The following ZNRF3 variants were observed in gnomAD, a reference collection of about 807,000 sequenced individuals.
ZNRF3 encodes zinc and ring finger 3, also known as E3 ubiquitin-protein ligase ZNRF3.
In ZNRF3, 23 loss-of-function variants were observed where a neutral mutation model predicts 72.5. That is an observed-to-expected ratio of 0.32 (90% CI 0.23 to 0.45). The LOEUF (loss-of-function observed/expected upper bound fraction) is 0.45, where lower values mean the gene tolerates loss of function less well. Ranked by LOEUF, ZNRF3 falls within the 20% of genes least tolerant of loss-of-function variation. The probability of loss-of-function intolerance (pLI) is 1.00; values close to 1 mark genes in which losing one functional copy is unlikely to be tolerated. For missense variants in ZNRF3, 1,169 were observed against 1,272.1 expected, an observed-to-expected ratio of 0.92 and a Z score of 1.23; for synonymous variants, 610 against 545.3, an observed-to-expected ratio of 1.12 and a Z score of -1.65.
At position 28,883,815 on chromosome 22, in the gene ZNRF3, C is replaced by T; in HGVS notation, c.49C>T (p.Arg17Cys). Residue 17 changes from arginine to cysteine, a missense_variant, in exon 1 of 9, where the codon CGC becomes TGC. By Grantham distance (180) the Arg-to-Cys change is radical. Coordinates refer to ENST00000544604, the MANE Select transcript of ZNRF3 (RefSeq NM_001206998.2). This position sits in a 1 kb window ranked among gnomAD's most constrained non-coding sequence, Gnocchi z 5.5. ...CCCAGGGGCCACGGGCCGCCGCCGC[C>T]GCCGCCTGCGCCGCCGCCCCCGCGG... ...GRPGATGRRR[R>C]RLRRRPRGLR... 1.0e-6 allele frequency: 1 copy of T among 979,322 alleles called. No individual in the cohort carries two copies. Among genetic ancestry groups the T allele is most frequent in the Non-Finnish European group, 1.2e-6 (1 of 827,398 alleles). 60.7% of individuals were successfully genotyped at this position (979,322 alleles called of 1,614,324 possible). A position where few individuals can be genotyped will look rare whatever the true frequency, so the allele number is the denominator to read the frequency against.
At chr22:29,005,361 T>A (rs1236331431) in intron 2 of ZNRF3, among the ~76,000 whole-genome samples, 1 of 152,224 alleles carries the variant, frequency 6.6e-6, no homozygotes, top group Non-Finnish European at 1.5e-5. Flanking sequence ...ACTTGTAGAT[T>A]TTTATGAGAT....
chr22:28,978,204 G>A (rs894120367), intron 1 of ZNRF3, among the ~76,000 whole-genome samples: 11 of 152,366 alleles, frequency 7.2e-5, no homozygotes, highest in Middle Eastern at 6.8e-3. Context: ...AGAAATGCAA[G>A]TGGAATGTTG....
intron 2 of ZNRF3, among the ~76,000 whole-genome samples, chr22:29,029,363 A>G (rs1284976648): frequency 6.6e-6 from 1 of 152,250 alleles, no homozygotes; most frequent in Non-Finnish European, 1.5e-5. Flanking sequence ...AAAATCATGT[A>G]ATCAAAATAA....
intron 1 of ZNRF3, among the ~76,000 whole-genome samples, chr22:28,966,949 G>A (rs563266976): frequency 2.9e-5 from 4 of 140,332 alleles, no homozygotes; most frequent in Non-Finnish European, 4.5e-5. Context: ...GCATAATCTC[G>A]GCTCACTGCA....
chr22:29,049,680 C>T lies in ZNRF3; in HGVS notation c.1499C>T (p.Pro500Leu), dbSNP rs1020453927. ...CCCCGGGGCCCGGCCCGTGCCTTTC[C>T]TCCGAGCGGCAGTGGCAGCCTGCTC... ...LAPRGPARAFPPSGSGSLLFP... is the reference protein window; with the variant it reads ...LAPRGPARAFLPSGSGSLLFP... Residue 500 changes from proline (P) to leucine (L), a missense_variant, in exon 8 of 9, where the codon CCT becomes CTT. This residue lies in a region of ZNRF3 where 783 missense variants were observed against 731.4 expected (regional missense o/e 1.07). Transcript: ENST00000544604. This position sits in a 1 kb window ranked among gnomAD's most constrained non-coding sequence, Gnocchi z 5.2. The T allele has an allele frequency of 1.9e-6, 3 of 1,608,140 alleles. No individual in the cohort carries two copies. The highest frequency in any genetic ancestry group is 1.3e-5 in the African/African-American group (1 of 74,912).
chr22:28,896,067 C>T (rs565642993), intron 1 of ZNRF3, among the ~76,000 whole-genome samples: 161 of 152,204 alleles, frequency 1.1e-3, no homozygotes, highest in Non-Finnish European at 1.9e-3. Flanking sequence ...TCTCCTGCTT[C>T]AGCCTCCCGA....
intron 2 of ZNRF3, among the ~76,000 whole-genome samples, chr22:28,995,193 G>A (rs888962223): frequency 2.6e-5 from 4 of 152,206 alleles, no homozygotes; most frequent in Non-Finnish European, 1.5e-5. Flanking sequence ...CAGCACTTTG[G>A]GAGGCTGAGG....
At chr22:28,987,603 A>G (rs981635484) in intron 2 of ZNRF3, among the ~76,000 whole-genome samples, 9 of 152,212 alleles carry the variant, frequency 5.9e-5, no homozygotes, top group Non-Finnish European at 1.2e-4. Flanking sequence ...TATAGATTTT[A>G]TATTAAGTAA....
At chr22:28,961,425 A>T (rs1449102536) in intron 1 of ZNRF3, among the ~76,000 whole-genome samples, 1 of 152,214 alleles carries the variant, frequency 6.6e-6, no homozygotes, top group African/African-American at 2.4e-5. Context: ...CAAAATATGG[A>T]CAGTATTCAG....
intron 1 of ZNRF3, among the ~76,000 whole-genome samples, chr22:28,942,832 C>G (rs2034971581): frequency 6.6e-6 from 1 of 152,122 alleles, no homozygotes; most frequent in African/African-American, 2.4e-5. Flanking sequence ...GATAAGTCTC[C>G]TCTTCTGTGT....
intron 1 of ZNRF3, among the ~76,000 whole-genome samples, chr22:28,955,622 T>C (rs2035244753): frequency 6.6e-6 from 1 of 151,816 alleles, no homozygotes; most frequent in Admixed American, 6.6e-5. Context: ...TTACTTAAGG[T>C]TTGGATTATG....
At chr22:28,909,247 A>G (rs1347114359) in intron 1 of ZNRF3, among the ~76,000 whole-genome samples, 2 of 151,984 alleles carry the variant, frequency 1.3e-5, no homozygotes, top group African/African-American at 4.8e-5. Context: ...TTTGATTTTG[A>G]GCCACTTTTT....
intron 1 of ZNRF3, among the ~76,000 whole-genome samples, chr22:28,907,328 C>G (rs1423305590): frequency 6.6e-6 from 1 of 152,108 alleles, no homozygotes; most frequent in Non-Finnish European, 1.5e-5. Context: ...GCCAAGGTGC[C>G]AAATGGCACA....
At chr22:28,955,046 G>GTT (rs11413865) in intron 1 of ZNRF3, among the ~76,000 whole-genome samples, 11 of 98,232 alleles carry the variant, frequency 1.1e-4, no homozygotes, top group East Asian at 2.7e-4. Context: ...TTTTTTTTTT[G>GTT]TTTTTTTTTT....
At chr22:28,929,445 T>G (rs1364930810) in intron 1 of ZNRF3, among the ~76,000 whole-genome samples, 1 of 152,190 alleles carries the variant, frequency 6.6e-6, no homozygotes, top group African/African-American at 2.4e-5. Flanking sequence ...TTCCCAGTTA[T>G]GACAACTAGA....
At chr22:28,934,226 CA>C (rs1399106296) in intron 1 of ZNRF3, among the ~76,000 whole-genome samples, 6 of 152,096 alleles carry the variant, frequency 3.9e-5, no homozygotes, top group Admixed American at 2.0e-4. Flanking sequence ...TAGAGGGCCC[CA>C]TAAAATTTTA....
At chr22:28,887,821 A>T (rs963312452) in intron 1 of ZNRF3, among the ~76,000 whole-genome samples, 2 of 152,182 alleles carry the variant, frequency 1.3e-5, no homozygotes, top group African/African-American at 4.8e-5. Context: ...ATTATCTGAA[A>T]CTTTCAGACT....
chr22:28,893,201 G>A (rs1471766808), intron 1 of ZNRF3, among the ~76,000 whole-genome samples: 1 of 152,040 alleles, frequency 6.6e-6, no homozygotes, highest in Non-Finnish European at 1.5e-5. Flanking sequence ...AAAATTAAGA[G>A]TGGGGTAGTA....
At chr22:28,961,260 C>A (rs946414769) in intron 1 of ZNRF3, among the ~76,000 whole-genome samples, 2 of 152,204 alleles carry the variant, frequency 1.3e-5, no homozygotes, top group African/African-American at 4.8e-5. Flanking sequence ...CCTCTTAATA[C>A]CATCACCTTG....
Sources: allele counts gnomAD v4.1 joint callset (sites outside exome capture counted in the v4.1 genomes callset), GRCh38; gene constraint gnomAD v4.1.1; regional missense constraint gnomAD v4.1.1; non-coding constraint Gnocchi (gnomAD v3.1); transcripts MANE v1.5; gene names NCBI Gene and HGNC (gene_info 2026-07-23, HGNC 2026-07-21).